Variants in ZNF148 observed in about 807,000 individuals in gnomAD.
The protein encoded by ZNF148 is Beta-Enolase Repressor Factor-1.
ZNF148 carries 7 observed loss-of-function variants against 67.7 expected under a neutral mutation model. The ratio of observed to expected loss-of-function variants is 0.10; its 90% confidence interval spans 0.06 to 0.19. ZNF148 has a LOEUF of 0.19. Among genes scored for constraint, ZNF148 ranks in the 10% least tolerant of loss-of-function variants. The pLI, the probability that ZNF148 is intolerant of heterozygous loss-of-function variation, is 1.00. For missense variants in ZNF148, 583 were observed against 947.1 expected, an observed-to-expected ratio of 0.62 and a Z score of 5.05; for synonymous variants, 333 against 330.7, an observed-to-expected ratio of 1.01 and a Z score of -0.08.
intron 4 of ZNF148, among the ~76,000 whole-genome samples, chr3:125,294,900 T>C (rs1433232519): frequency 1.3e-5 from 2 of 152,174 alleles, no homozygotes; most frequent in Non-Finnish European, 2.9e-5. Context: ...ATGTTACCAA[T>C]AAACAAACTA....
chr3:125,372,145 T>A (rs1010463380), intron 1 of ZNF148, among the ~76,000 whole-genome samples: 10 of 152,070 alleles, frequency 6.6e-5, no homozygotes, highest in Non-Finnish European at 1.3e-4. Flanking sequence ...CTCCTCTTCA[T>A]CTCTAACAAG....
At chr3:125,372,307 T>C (rs1942916938) in intron 1 of ZNF148, among the ~76,000 whole-genome samples, 1 of 152,150 alleles carries the variant, frequency 6.6e-6, no homozygotes, top group African/African-American at 2.4e-5. Flanking sequence ...ATCCCTAAAA[T>C]ACAATGGGGA....
At chr3:125,245,926 T>A (rs1936577886) in intron 7 of ZNF148, among the ~76,000 whole-genome samples, 1 of 152,216 alleles carries the variant, frequency 6.6e-6, no homozygotes, top group Admixed American at 6.5e-5. Flanking sequence ...CCTCTATTCT[T>A]CTGGCCCCTA....
At chr3:125,359,129 A>G (rs1268456439) in intron 1 of ZNF148, among the ~76,000 whole-genome samples, 1 of 152,226 alleles carries the variant, frequency 6.6e-6, no homozygotes, top group Non-Finnish European at 1.5e-5. Flanking sequence ...CTGCTACATG[A>G]TGGTACAGCC....
chr3:125,331,972 GA>G (rs1183247903), intron 1 of ZNF148, among the ~76,000 whole-genome samples: 1 of 152,102 alleles, frequency 6.6e-6, no homozygotes, highest in African/African-American at 2.4e-5. Context: ...ATTTTATTCA[GA>G]AACAATAGAT....
At chr3:125,236,222 T>TA (rs954152199) in intron 7 of ZNF148, among the ~76,000 whole-genome samples, 4 of 151,872 alleles carry the variant, frequency 2.6e-5, no homozygotes, top group Non-Finnish European at 5.9e-5. Flanking sequence ...CTTACACAAT[T>TA]AAAAAAAAAT....
chr3:125,285,981 CCAAATA>C lies in ZNF148; in HGVS notation c.459+2116_459+2121del, dbSNP rs1423395646. ...ATTTACAAATACCTAGAACATATCA[CCAAATA>C]CAGAGTCCAACACCCAATAAGAAGA... On this transcript the variant is annotated intron_variant, in intron 5 of 8. Transcript: ENST00000360647. Among the ~76,000 whole-genome samples the C allele has an allele frequency of 2.0e-5, 3 of 152,088 alleles. 1 individual carries two copies. Among genetic ancestry groups the C allele is most frequent in the Non-Finnish European group, 2.9e-5 (2 of 68,010 alleles).
At chr3:125,287,511 T>C (rs1304813413) in intron 5 of ZNF148, among the ~76,000 whole-genome samples, 1 of 152,162 alleles carries the variant, frequency 6.6e-6, no homozygotes, top group African/African-American at 2.4e-5. Flanking sequence ...TGTTGGCACA[T>C]GCCTGTGGTC....
intron 1 of ZNF148, among the ~76,000 whole-genome samples, chr3:125,339,708 G>A (rs560578310): frequency 3.3e-5 from 5 of 152,196 alleles, no homozygotes; most frequent in South Asian, 2.1e-4. Context: ...ATAAATACTC[G>A]AGGAGATGGA....
At chr3:125,317,656 T>TAG (rs1332514441) in intron 3 of ZNF148, among the ~76,000 whole-genome samples, 162 of 7,268 alleles carry the variant, frequency 0.022, no homozygotes, top group African/African-American at 0.03. Flanking sequence ...TATATATATA[T>TAG]ATATATAGAG....
intron 1 of ZNF148, among the ~76,000 whole-genome samples, chr3:125,338,091 G>A (rs2107727140): frequency 6.6e-6 from 1 of 152,148 alleles, no homozygotes; most frequent in East Asian, 1.9e-4. Context: ...GCAACAGAGT[G>A]AGACCCTATC....
At chr3:125,294,744 A>C (rs1389069284) in intron 4 of ZNF148, among the ~76,000 whole-genome samples, 1 of 152,192 alleles carries the variant, frequency 6.6e-6, no homozygotes, top group Non-Finnish European at 1.5e-5. Context: ...TTCATTAAAA[A>C]AATAGAAAAC....
At chr3:125,344,607 C>G in intron 1 of ZNF148, 1 of 777,170 alleles carries the variant, frequency 1.3e-6, no homozygotes, top group Non-Finnish European at 2.3e-6. Flanking sequence ...TTAATCCTGT[C>G]ATAGATGTAC....
At chr3:125,371,933 G>A (rs1942903110) in intron 1 of ZNF148, among the ~76,000 whole-genome samples, 1 of 151,672 alleles carries the variant, frequency 6.6e-6, no homozygotes, top group South Asian at 2.1e-4. Flanking sequence ...GCGTGGTGGT[G>A]GGAGCCTGTA....
intron 7 of ZNF148, among the ~76,000 whole-genome samples, chr3:125,246,399 G>C (rs572122706): frequency 2.6e-5 from 4 of 152,274 alleles, no homozygotes; most frequent in Admixed American, 2.0e-4. Flanking sequence ...TAGTACTTAA[G>C]AGTACAGGTT....
chr3:125,254,873 GT>G (rs1402845485), intron 7 of ZNF148, among the ~76,000 whole-genome samples: 9 of 151,740 alleles, frequency 5.9e-5, no homozygotes, highest in Admixed American at 3.9e-4. Context: ...ATCTTTATTT[GT>G]TTTCTGTTTG....
intron 1 of ZNF148, among the ~76,000 whole-genome samples, chr3:125,368,211 A>C (rs1942760672): frequency 6.6e-6 from 1 of 152,250 alleles, no homozygotes; most frequent in South Asian, 2.1e-4. Context: ...ATTATTAACA[A>C]ACATACTCAG....
At chr3:125,308,934 T>C (rs1015559484) in intron 4 of ZNF148, among the ~76,000 whole-genome samples, 6 of 152,222 alleles carry the variant, frequency 3.9e-5, no homozygotes, top group African/African-American at 1.2e-4. Flanking sequence ...GAATGAACTG[T>C]TGATACATTC....
intron 7 of ZNF148, among the ~76,000 whole-genome samples, chr3:125,262,460 A>T (rs539675298): frequency 6.6e-6 from 1 of 152,352 alleles, no homozygotes; most frequent in Non-Finnish European, 1.5e-5. Context: ...GTTCTAACTG[A>T]TAGCATAGGA....
Sources: gnomAD v4.1 joint callset for allele counts (sites outside exome capture counted in the v4.1 genomes callset) on GRCh38, gnomAD v4.1.1 for gene constraint, MANE v1.5 for transcripts, NCBI Gene and HGNC (gene_info 2026-07-23, HGNC 2026-07-21) for gene names.